MED26: variants seen among roughly 807,000 people sequenced by gnomAD.
The protein encoded by MED26 is mediator complex subunit 26, also known as mediator of RNA polymerase II transcription subunit 26.
In MED26, 7 loss-of-function variants were observed where a neutral mutation model predicts 43.7. The ratio of observed to expected loss-of-function variants is 0.16; its 90% CI spans 0.09 to 0.30. MED26 has a LOEUF of 0.30. Among genes scored for constraint, MED26 ranks in the 10% least tolerant of loss-of-function variants. The pLI, the probability that MED26 is intolerant of heterozygous loss-of-function variation, is 1.00. For synonymous variants in MED26, 375 were observed against 371.1 expected (o/e 1.01, Z -0.12); for missense variants, 784 against 840.6 (o/e 0.93, Z 0.83).
chr19:16,626,913 T>TC (rs1555701997), intron 1 of MED26, among the ~76,000 whole-genome samples: 13 of 117,634 alleles, frequency 1.1e-4, no homozygotes, highest in South Asian at 3.0e-4. Flanking sequence ...AGATCAGTCT[T>TC]CCCCCCCACC....
At position 16,628,109 on chromosome 19, in the gene MED26, G is replaced by C. The variant is rs2086292201; in HGVS notation, c.-166C>G. ...TGGCGGAGAGGGGAGCCGGGGCCGG[G>C]TCTCGGTCCCGGGCCGCCGCCGCCA... On this transcript the variant is annotated 5_prime_UTR_variant, in exon 1 of 3. Transcript: ENST00000263390. The C allele has an allele frequency of 2.6e-6, 1 of 384,574 alleles. No individual in the cohort carries two copies. Among genetic ancestry groups the C allele is most frequent in the Admixed American group, 4.6e-5 (1 of 21,768 alleles). 23.8% of individuals were successfully genotyped at this position (384,574 alleles called of 1,614,324 possible).
At chr19:16,579,103 A>AAAT (rs1013915076) in intron 1 of MED26, among the ~76,000 whole-genome samples, 216 of 151,978 alleles carry the variant, frequency 1.4e-3, no homozygotes, top group Middle Eastern at 3.4e-3. Context: ...TCCGTGTAAA[A>AAAT]AATAATAATA....
rs763731373 is a variant in MED26, at chr19:16,576,003, T to C, written c.*24A>G. On this transcript the variant is annotated 3_prime_UTR_variant, in exon 3 of 3. Coordinates refer to ENST00000263390, the MANE Select transcript of MED26 (RefSeq NM_004831.5). The surrounding 1 kb of genome is among the most constrained non-coding windows in gnomAD (Gnocchi z 6.8). ...CCACCCGGCTTCTGCAAGATGGGAA[T>C]GCACTTTGTGGCTGACAGGCCGGTC... The C allele has an allele frequency of 2.5e-6, 4 of 1,588,798 alleles. No homozygotes were observed. Among genetic ancestry groups the C allele is most frequent in the Middle Eastern group, 1.7e-4 (1 of 5,970 alleles).
rs1422778274 is a variant in MED26, at chr19:16,627,964, TTGCGGCCGGGCC to T, written c.-33_-22del. The T allele has an allele frequency of 7.0e-7, 1 of 1,430,254 alleles. No individual in the cohort carries two copies. Among genetic ancestry groups the T allele is most frequent in the Non-Finnish European group, 9.2e-7 (1 of 1,087,676 alleles). 88.6% of individuals were successfully genotyped at this position (1,430,254 alleles called of 1,614,324 possible). A position where few individuals can be genotyped will look rare whatever the true frequency, so the allele number is the denominator to read the frequency against. ...GTCATTGCCTGGGCGAGGCGGGGGG[TTGCGGCCGGGCC>T]AGCGGGCGGGCGGGCTGAGGCGGGG... On this transcript the variant is annotated 5_prime_UTR_variant, in exon 1 of 3. Coordinates refer to ENST00000263390, the MANE Select transcript of MED26 (RefSeq NM_004831.5).
Position 16,620,835 on chromosome 19 carries a change from T to C in MED26, c.72+7037A>G, listed in dbSNP as rs559029873. On this transcript the variant is annotated intron_variant, in intron 1 of 2. Coordinates refer to ENST00000263390, the MANE Select transcript of MED26 (RefSeq NM_004831.5). ...GCTGTTTTGATGACAAGACAGAACT[T>C]CATTTCGAAGCATGACTGGATTAGG... 3.3e-5 allele frequency among the ~76,000 whole-genome samples: 5 copies of C among 152,324 alleles called. No individual in the cohort carries two copies. The South Asian group carries it at 1.0e-3, about 32-fold the overall frequency.
intron 1 of MED26, among the ~76,000 whole-genome samples, chr19:16,621,608 A>G (rs1238901341): frequency 6.6e-6 from 1 of 152,154 alleles, no homozygotes; most frequent in Non-Finnish European, 1.5e-5. Flanking sequence ...TTCACCTGAC[A>G]TGACCCCTCT....
At chr19:16,604,611 C>G (rs1198290212) in intron 1 of MED26, among the ~76,000 whole-genome samples, 1 of 152,144 alleles carries the variant, frequency 6.6e-6, no homozygotes, top group Non-Finnish European at 1.5e-5. Context: ...AAGGCTGGTT[C>G]TAAGGACTGT....
In MED26 at chr19:16,576,182, C is replaced by T. The variant is rs147359880; in HGVS notation, c.1648G>A (p.Asp550Asn). The stretch of plus-strand genomic sequence containing the variant: ...CTGGCCTGGATTCTGTCGAGATCGT[C>T]CTGTGTGACCTCCCGGGTCAGACCA... ...LPGLTREVTQ[D>N]DLDRIQASQW... is the part of the protein sequence containing the mutation. The change falls in exon 3 of 3, where the codon GAC becomes AAC. Residue 550 changes from aspartate to asparagine, a missense_variant. By Grantham distance (23) the Asp-to-Asn change is conservative. Around this residue, in one of 3 missense-constraint regions of MED26, gnomAD observed 719 missense variants for 730.9 expected, o/e 0.98. Coordinates refer to ENST00000263390, the MANE Select transcript of MED26 (RefSeq NM_004831.5). The surrounding 1 kb of genome is among the most constrained non-coding windows in gnomAD (Gnocchi z 6.8). 793 of 1,613,236 alleles carry T rather than the reference C, an allele frequency of 4.9e-4. No homozygotes were observed. Among genetic ancestry groups the T allele is most frequent in the Non-Finnish European group, 6.4e-4 (760 of 1,180,022 alleles).
At chr19:16,624,467 T>C (rs1425656072) in intron 1 of MED26, 1 of 152,220 alleles carries the variant, frequency 6.6e-6, no homozygotes, top group African/African-American at 2.4e-5. Flanking sequence ...CAAGTCCCTC[T>C]TTGCTGCGGG....
At chr19:16,601,259 G>C (rs902200222) in intron 1 of MED26, among the ~76,000 whole-genome samples, 1 of 151,454 alleles carries the variant, frequency 6.6e-6, no homozygotes, top group Non-Finnish European at 1.5e-5. Flanking sequence ...GGATTCAAGC[G>C]ATTCTCCTGC....
In MED26 at chr19:16,628,160, AGCCGCCGCCGCTC is replaced by A. The variant is rs1393414916; in HGVS notation, c.-230_-218del. ...CCAAAGGAGGAGGAGGAGCCGCCGG[AGCCGCCGCCGCTC>A]GCTGCCGCCGCCTCGAGAACCAAAC... On this transcript the variant is annotated 5_prime_UTR_variant, in exon 1 of 3. Coordinates refer to ENST00000263390, the MANE Select transcript of MED26 (RefSeq NM_004831.5). 2.5e-5 allele frequency: 9 copies of A among 362,606 alleles called. No individual in the cohort carries two copies. Among genetic ancestry groups the A allele is most frequent in the Admixed American group, 9.5e-5 (2 of 21,118 alleles). The allele number at this position is 362,606 out of a possible 1,614,324, so 22.5% of individuals were successfully genotyped here. A position where few individuals can be genotyped will look rare whatever the true frequency, so the allele number is the denominator to read the frequency against.
At chr19:16,583,069 G>A (rs1435311898) in intron 1 of MED26, among the ~76,000 whole-genome samples, 1 of 152,254 alleles carries the variant, frequency 6.6e-6, no homozygotes, top group Non-Finnish European at 1.5e-5. Flanking sequence ...GACACAGTTT[G>A]ACTCCACATG....
At chr19:16,626,032 C>A (rs914788160) in intron 1 of MED26, among the ~76,000 whole-genome samples, 1 of 152,104 alleles carries the variant, frequency 6.6e-6, no homozygotes, top group Non-Finnish European at 1.5e-5. Context: ...CTAAGACACA[C>A]AAAACTAAGA....
At chr19:16,604,157 T>A (rs1202374462) in intron 1 of MED26, among the ~76,000 whole-genome samples, 1 of 152,228 alleles carries the variant, frequency 6.6e-6, no homozygotes, top group African/African-American at 2.4e-5. Context: ...TAGACCCATG[T>A]GTAACCAAGC....
chr19:16,599,774 C>T lies in MED26; in HGVS notation c.73-21365G>A, dbSNP rs1392222682. Among the ~76,000 whole-genome samples the T allele has an allele frequency of 3.3e-5, 5 of 152,222 alleles. No individual in the cohort carries two copies. The South Asian group carries it at 1.0e-3, about 32-fold the overall frequency. On this transcript the variant is annotated intron_variant, in intron 1 of 2. Coordinates refer to ENST00000263390, the MANE Select transcript of MED26 (RefSeq NM_004831.5). ...CTGGAACTGGGGTTCCTCTGTAGCA[C>T]CCTGCAGCGCAGCTGGGCAAGCCAC... is the stretch of plus-strand genomic sequence containing the variant.
intron 1 of MED26, chr19:16,588,268 G>C (rs2086079996): frequency 6.6e-6 from 1 of 152,290 alleles, no homozygotes; most frequent in East Asian, 1.9e-4. Flanking sequence ...AAGAATGCCA[G>C]CTGCAGAAGA....
rs2086008027 is a variant in MED26, at chr19:16,576,933, G to A, written c.897C>T (p.Ser299=). 2 of 1,595,710 alleles carry A rather than the reference G, an allele frequency of 1.3e-6. No individual in the cohort carries two copies. Among genetic ancestry groups the A allele is most frequent in the Non-Finnish European group, 1.7e-6 (2 of 1,169,312 alleles). ...CGAGTGCCTGGGGCCGCGGTGAGGG[G>A]CTGGGCACGGAGCCCTTGGGTGCAT... The part of the protein sequence containing the change: ...SLYAPKGSVP[S]PSPRPQALDA... Residue 299 remains serine (S), a synonymous_variant, in exon 3 of 3, where the codon AGC becomes AGT. Transcript: ENST00000263390. The surrounding 1 kb of genome is among the most constrained non-coding windows in gnomAD (Gnocchi z 6.8).
At chr19:16,581,506 T>C (rs2086045513) in intron 1 of MED26, among the ~76,000 whole-genome samples, 1 of 152,208 alleles carries the variant, frequency 6.6e-6, no homozygotes, top group South Asian at 2.1e-4. Flanking sequence ...GTTCCCCACA[T>C]ACTCCTGAAG....
Position 16,576,058 on chromosome 19 carries a change from A to G in MED26, c.1772T>C (p.Leu591Ser). ...CAAGCAGACATAAGGCAGAATGTTC[A>G]AGCGCCCGTCGTCGCCGTGCGGATC... ...SLDPHGDDGRLNILPYVCLD is the reference protein window; with the variant it reads ...SLDPHGDDGRSNILPYVCLD Residue 591 changes from leucine to serine, a missense_variant, in exon 3 of 3, where the codon TTG becomes TCG. This residue lies in a region of MED26 where 719 missense variants were observed against 730.9 expected (regional missense o/e 0.98). Coordinates refer to ENST00000263390, the MANE Select transcript of MED26 (RefSeq NM_004831.5). This position sits in a 1 kb window ranked among gnomAD's most constrained non-coding sequence, Gnocchi z 6.8. 6.2e-7 allele frequency: 1 copy of G among 1,613,558 alleles called. No homozygotes were observed. The highest frequency in any genetic ancestry group is 8.5e-7 in the Non-Finnish European group (1 of 1,179,950).
Sources: gnomAD v4.1 joint callset for allele counts (sites outside exome capture counted in the v4.1 genomes callset) on GRCh38, gnomAD v4.1.1 for gene constraint, gnomAD v4.1.1 regional missense constraint, Gnocchi (gnomAD v3.1) non-coding constraint, MANE v1.5 for transcripts, NCBI Gene and HGNC (gene_info 2026-07-23, HGNC 2026-07-21) for gene names.